Variants in POU2F2 observed in about 807,000 individuals in gnomAD.
POU2F2 encodes POU domain, class 2, transcription factor 2.
A neutral mutation model predicts 63.5 loss-of-function variants in POU2F2; 14 were observed. The observed-to-expected ratio is 0.22, with a 90% CI of 0.15 to 0.34. POU2F2 has a LOEUF of 0.34. POU2F2 is among the 10% of genes least tolerant of loss of function. The pLI is 1.00. For synonymous variants in POU2F2, 306 were observed against 348.6 expected, an observed-to-expected ratio of 0.88 and a Z score of 1.36; for missense variants, 607 against 815.2, an observed-to-expected ratio of 0.74 and a Z score of 3.11.
intron 4 of POU2F2, among the ~76,000 whole-genome samples, chr19:42,119,191 A>G (rs1190821484): frequency 2.6e-5 from 4 of 151,288 alleles, no homozygotes; most frequent in African/African-American, 9.7e-5. Context: ...ATGAAATGAC[A>G]CTGAGTATGA....
intron 1 of POU2F2, among the ~76,000 whole-genome samples, chr19:42,188,952 G>GAA (rs2035047238): frequency 6.7e-6 from 1 of 150,304 alleles, no homozygotes; most frequent in Non-Finnish European, 1.5e-5. Flanking sequence ...AGGAAGGAAG[G>GAA]GAGTTTTGGG....
intron 2 of POU2F2, among the ~76,000 whole-genome samples, chr19:42,151,173 G>T (rs895447816): frequency 2.0e-5 from 3 of 152,192 alleles, no homozygotes; most frequent in Admixed American, 2.0e-4. Context: ...AGAGGTCGGG[G>T]GTCAGGCCAC....
At chr19:42,109,537 A>C (rs1045581076) in intron 5 of POU2F2, among the ~76,000 whole-genome samples, 3 of 152,256 alleles carry the variant, frequency 2.0e-5, no homozygotes, top group Admixed American at 2.0e-4. Flanking sequence ...CAACGGACAC[A>C]GTTTCAGTGA....
At chr19:42,150,335 G>A (rs1031077565) in intron 2 of POU2F2, among the ~76,000 whole-genome samples, 1 of 151,374 alleles carries the variant, frequency 6.6e-6, no homozygotes, top group East Asian at 1.9e-4. Flanking sequence ...CGGGCACTGC[G>A]GCTGACATGG....
At chr19:42,173,448 C>T (rs942050845) in intron 1 of POU2F2, among the ~76,000 whole-genome samples, 3 of 151,846 alleles carry the variant, frequency 2.0e-5, no homozygotes, top group Non-Finnish European at 4.4e-5. Context: ...CCTTGCTTTG[C>T]TGTCACATTG....
rs774225972 is a variant in POU2F2 at position 42,092,104 on chromosome 19, C to T, written c.1431G>A (p.Ser477=). The T allele has an allele frequency of 1.3e-5, 21 of 1,589,880 alleles. No homozygotes were observed. The highest frequency in any genetic ancestry group is 4.1e-5 in the African/African-American group (3 of 73,574). Residue 477 remains serine, a synonymous_variant, in exon 13 of 15, where the codon TCG becomes TCA. Transcript: ENST00000692977. This position sits in a 1 kb window ranked among gnomAD's most constrained non-coding sequence, Gnocchi z 5.0. The stretch of plus-strand genomic sequence containing the variant: ...GGTTCAGGCCTGACAAGCCGATAGC[C>T]GAGTGGCTGCCTTGAGGGCTGGGGT... The part of the protein sequence containing the change: ...STNPSPQGSH[S]AIGLSGLNPS...
intron 7 of POU2F2, among the ~76,000 whole-genome samples, chr19:42,097,942 C>T (rs1181026298): frequency 2.6e-5 from 4 of 152,230 alleles, no homozygotes; most frequent in African/African-American, 9.6e-5. Context: ...AATTTCTCAT[C>T]ATCCACCCAC....
At chr19:42,183,459 G>A (rs190473723) in intron 1 of POU2F2, among the ~76,000 whole-genome samples, 91 of 152,338 alleles carry the variant, frequency 6.0e-4, no homozygotes, top group Non-Finnish European at 1.0e-3. Flanking sequence ...CAGCAAAGGC[G>A]CCGGAGGGAA....
intron 1 of POU2F2, among the ~76,000 whole-genome samples, chr19:42,174,035 G>A (rs2034822908): frequency 6.6e-6 from 1 of 152,122 alleles, no homozygotes; most frequent in African/African-American, 2.4e-5. Context: ...TAGACTGTGG[G>A]GAGAGGGGAT....
intron 1 of POU2F2, among the ~76,000 whole-genome samples, chr19:42,170,309 T>C (rs1443965654): frequency 6.6e-6 from 1 of 151,292 alleles, no homozygotes; most frequent in Non-Finnish European, 1.5e-5. Flanking sequence ...CGCCGACACC[T>C]AGACAGAGGC....
upstream of POU2F2, chr19:42,137,200 A>G (rs1192897636): frequency 2.0e-5 from 3 of 152,242 alleles, no homozygotes; most frequent in African/African-American, 7.2e-5. Flanking sequence ...CTAGCAGGGC[A>G]TGGTGGCATA....
intron 1 of POU2F2, among the ~76,000 whole-genome samples, chr19:42,171,116 C>T (rs2034755845): frequency 6.6e-6 from 1 of 152,270 alleles, no homozygotes; most frequent in Non-Finnish European, 1.5e-5. Context: ...ACCCTCGGCC[C>T]ATGCCTCAGG....
chr19:42,194,315 G>T (rs1015229322), intron 1 of POU2F2, among the ~76,000 whole-genome samples: 1 of 152,174 alleles, frequency 6.6e-6, no homozygotes, highest in Non-Finnish European at 1.5e-5. Flanking sequence ...CCAGGAGTTT[G>T]AGGTTACAAT....
intron 2 of POU2F2, among the ~76,000 whole-genome samples, chr19:42,151,245 T>C (rs1481296703): frequency 7.3e-6 from 1 of 137,014 alleles, no homozygotes; most frequent in Non-Finnish European, 1.6e-5. Context: ...GGCCTGACAC[T>C]GGCGGGATGG....
At chr19:42,132,679 C>A, upstream of POU2F2, 1 of 393,328 alleles carries the variant, frequency 2.5e-6, no homozygotes, top group Admixed American at 4.5e-5. Flanking sequence ...CCAAGAGGTG[C>A]CTGCAACAGT....
intron 1 of POU2F2, among the ~76,000 whole-genome samples, chr19:42,188,681 A>G (rs1319370536): frequency 6.7e-6 from 1 of 149,216 alleles, no homozygotes; most frequent in East Asian, 1.9e-4. Context: ...AAAAAAAAAA[A>G]AAAAAGAAAG....
At chr19:42,093,662 G>A in intron 12 of POU2F2, 167 bp downstream of exon 12, 1 of 547,852 alleles carries the variant, frequency 1.8e-6, no homozygotes, top group South Asian at 4.0e-5. Flanking sequence ...CTCCTGCAGA[G>A]GAGGGGTGAG....
chr19:42,153,474 G>A lies in POU2F2; in HGVS notation c.-9+6858C>T, dbSNP rs545567408. Among the ~76,000 whole-genome samples, 5 of 152,238 alleles carry A rather than the reference G, an allele frequency of 3.3e-5. No homozygotes were observed. The highest frequency in any genetic ancestry group is 2.1e-4 in the South Asian group (1 of 4,826). The stretch of plus-strand genomic sequence containing the variant: ...GGGAAGCCTGTGTGTGTTGGCGTGC[G>A]CATGCCCCTGACAGAGTGTGTCTGA... On this transcript the variant is annotated intron_variant, in intron 2 of 6. Coordinates refer to the POU2F2 transcript ENST00000524801. This position sits in a 1 kb window ranked among gnomAD's most constrained non-coding sequence, Gnocchi z 5.6.
chr19:42,179,378 G>A (rs1008737377), upstream of POU2F2, among the ~76,000 whole-genome samples: 3 of 152,118 alleles, frequency 2.0e-5, no homozygotes, highest in Non-Finnish European at 4.4e-5. Flanking sequence ...AAGGGGCTCC[G>A]ACCAGGGGAA....
Sources: allele counts gnomAD v4.1 joint callset (sites outside exome capture counted in the v4.1 genomes callset), GRCh38; gene constraint gnomAD v4.1.1; non-coding constraint Gnocchi (gnomAD v3.1); transcripts MANE v1.5; gene names NCBI Gene and HGNC (gene_info 2026-07-23, HGNC 2026-07-21).